HS6ST2: variants seen among roughly 807,000 people sequenced by gnomAD.
HS6ST2 encodes the protein heparan-sulfate 6-O-sulfotransferase 2.
In HS6ST2, 17 loss-of-function variants were observed where a neutral mutation model predicts 33.0. The ratio of observed to expected loss-of-function variants is 0.52; its 90% CI spans 0.35 to 0.77. The LOEUF is 0.77. Ranked by LOEUF, HS6ST2 falls within the 30% of genes least tolerant of loss-of-function variation. The probability of loss-of-function intolerance (pLI) is 0.01; values close to 1 mark genes in which losing one functional copy is unlikely to be tolerated. For synonymous variants in HS6ST2, 248 were observed against 237.1 expected (o/e 1.05, Z -0.42); for missense variants, 519 against 551.7 (o/e 0.94, Z 0.59).
At chrX:132,650,741 A>ATCTCTCTCTCTCTCTCTCTCTC (rs3066707) in intron 4 of HS6ST2, among the ~76,000 whole-genome samples, 14 of 87,400 alleles carry the variant, frequency 1.6e-4, no homozygotes, top group African/African-American at 6.3e-4. Context: ...CATAGGAGGG[A>ATCTCTCTCTCTCTCTCTCTCTC]TCTCTCTCTC....
chrX:132,782,613 T>C (rs1304820068), intron 2 of HS6ST2, among the ~76,000 whole-genome samples: 1 of 110,416 alleles, frequency 9.1e-6, no homozygotes, highest in Non-Finnish European at 1.9e-5. Flanking sequence ...CTTTTGGGAG[T>C]GTGTGGAGCC....
chrX:132,881,687 G>A (rs2066175834), intron 2 of HS6ST2, among the ~76,000 whole-genome samples: 2 of 111,677 alleles, frequency 1.8e-5, no homozygotes, highest in Admixed American at 1.9e-4. Context: ...TTTTAGTCAT[G>A]AAGTCCTTGC....
At chrX:132,936,399 T>G (rs2066822484) in intron 2 of HS6ST2, among the ~76,000 whole-genome samples, 1 of 109,162 alleles carries the variant, frequency 9.2e-6, no homozygotes, top group Non-Finnish European at 1.9e-5. Context: ...CACCAAAAAT[T>G]TAAAAAGAAT....
chrX:132,870,880 G>A (rs1041918081), intron 2 of HS6ST2, among the ~76,000 whole-genome samples: 2 of 111,011 alleles, frequency 1.8e-5, no homozygotes, highest in East Asian at 2.8e-4. Context: ...CTAAAAGACC[G>A]AAAGCAACTG....
chrX:132,838,589 A>G (rs2065669089), intron 2 of HS6ST2, among the ~76,000 whole-genome samples: 1 of 111,898 alleles, frequency 8.9e-6, no homozygotes, highest in South Asian at 3.8e-4. Context: ...TCTCACTAAA[A>G]AAGGACTTAC....
rs1362031492 is a variant in HS6ST2, at chrX:132,888,592, C to T, written c.947+68216G>A. ...TGATCACAGCTCACTGCAACCTCCG[C>T]CTCCTGGGCTCAAGCAATTCTCATG... On this transcript the variant is annotated intron_variant, in intron 2 of 4. Transcript: ENST00000370833. Among the ~76,000 whole-genome samples the T allele has an allele frequency of 9.0e-5, 10 of 111,649 alleles. No individual in the cohort carries two copies. The South Asian group carries it at 2.3e-3, about 26-fold the overall frequency.
rs138709239 is a variant in HS6ST2, at chrX:132,671,446, C to CTT, written c.981-2249_981-2248dup. Among the ~76,000 whole-genome samples, 326 of 91,224 alleles carry CTT rather than the reference C, an allele frequency of 3.6e-3. 4 individuals carry two copies. Among genetic ancestry groups the CTT allele is most frequent in the South Asian group, 0.02 (36 of 1,835 alleles). 79.2% of individuals were successfully genotyped at this position (91,224 alleles called of 115,157 possible). A position where few individuals can be genotyped will look rare whatever the true frequency, so the allele number is the denominator to read the frequency against. On this transcript the variant is annotated intron_variant, in intron 3 of 4. Transcript: ENST00000370833. ...CTGAGTCACTAAGTTCATTCATTCA[C>CTT]TTTTTTTTTTTTTTTTTTTGATAAA...
intron 4 of HS6ST2, among the ~76,000 whole-genome samples, chrX:132,666,052 A>T (rs1484485551): frequency 6.2e-5 from 7 of 112,205 alleles, no homozygotes; most frequent in Non-Finnish European, 1.9e-5. Context: ...TAGACATTTC[A>T]TTTTAGCTTT....
chrX:132,831,826 G>C (rs1439165737), intron 2 of HS6ST2, among the ~76,000 whole-genome samples: 1 of 112,154 alleles, frequency 8.9e-6, no homozygotes, highest in Non-Finnish European at 1.9e-5. Context: ...CAAGGCAGCT[G>C]TTTCTTGCCT....
intron 2 of HS6ST2, among the ~76,000 whole-genome samples, chrX:132,778,994 CAG>C (rs886677154): frequency 3.6e-5 from 4 of 111,923 alleles, no homozygotes; most frequent in African/African-American, 9.7e-5. Context: ...AGGAAGAAAA[CAG>C]AGAGAATTGC....
In HS6ST2 at chrX:132,952,660, C is replaced by T. The variant is rs184477068; in HGVS notation, c.947+4148G>A. Reference sequence around the variant, plus strand: ...TAGAATGACCAAAAAAAGCTTTTCTCCATCTAAACAAACACTTTTTAGTCC... The same window carrying T: ...TAGAATGACCAAAAAAAGCTTTTCTTCATCTAAACAAACACTTTTTAGTCC... On this transcript the variant is annotated intron_variant, in intron 2 of 4. Coordinates refer to ENST00000370833, the MANE Select transcript of HS6ST2 (RefSeq NM_001394073.1). Among the ~76,000 whole-genome samples, 3 of 111,614 alleles carry T rather than the reference C, an allele frequency of 2.7e-5. No homozygotes were observed. The Admixed American group carries it at 2.9e-4, about 11-fold the overall frequency.
rs150773533 is a variant in HS6ST2, at chrX:132,806,716, G to A, written c.948-98222C>T. Reference sequence around the variant, plus strand: ...ATATAATTTCCCTATGCCACGAAACGGCACTCTTCTTTTGATTTTTTTCAA... The same window carrying A: ...ATATAATTTCCCTATGCCACGAAACAGCACTCTTCTTTTGATTTTTTTCAA... On this transcript the variant is annotated intron_variant, in intron 2 of 4. Coordinates refer to ENST00000370833, the MANE Select transcript of HS6ST2 (RefSeq NM_001394073.1). Among the ~76,000 whole-genome samples the A allele has an allele frequency of 5.2e-4, 57 of 109,262 alleles. No individual in the cohort carries two copies. The East Asian group carries it at 0.012, about 23-fold the overall frequency. 94.9% of individuals were successfully genotyped at this position (109,262 alleles called of 115,157 possible).
chrX:132,900,821 C>A (rs181787063), intron 2 of HS6ST2, among the ~76,000 whole-genome samples: 248 of 110,934 alleles, frequency 2.2e-3, no homozygotes, highest in African/African-American at 7.7e-3. Context: ...GTAATACCTG[C>A]CCTTTGAATG....
At chrX:132,951,524 G>C (rs1222171241) in intron 2 of HS6ST2, among the ~76,000 whole-genome samples, 3 of 111,597 alleles carry the variant, frequency 2.7e-5, no homozygotes, top group African/African-American at 3.3e-5. Context: ...GCCCTGGAAA[G>C]CATGTCATTT....
intron 2 of HS6ST2, among the ~76,000 whole-genome samples, chrX:132,842,694 C>G (rs1012735942): frequency 9.0e-6 from 1 of 111,370 alleles, no homozygotes; most frequent in Non-Finnish European, 1.9e-5. Flanking sequence ...ATCAGTGCAT[C>G]CGACAGAAGC....
At chrX:132,830,772 T>C (rs2065581557) in intron 2 of HS6ST2, among the ~76,000 whole-genome samples, 1 of 111,564 alleles carries the variant, frequency 9.0e-6, no homozygotes, top group African/African-American at 3.3e-5. Context: ...GGGTTGATGG[T>C]CCAGTTACAA....
chrX:132,875,045 C>T (rs894976281), intron 2 of HS6ST2, among the ~76,000 whole-genome samples: 4 of 111,488 alleles, frequency 3.6e-5, no homozygotes, highest in Non-Finnish European at 7.5e-5. Context: ...AAGTGCACCC[C>T]CCAGTGACAA....
At chrX:132,866,007 G>T (rs189743667) in intron 2 of HS6ST2, among the ~76,000 whole-genome samples, 3 of 111,613 alleles carry the variant, frequency 2.7e-5, no homozygotes, top group Non-Finnish European at 5.6e-5. Context: ...GTCAATTTTG[G>T]CTTTTGTTGC....
chrX:132,709,441 C>G (rs1453859689), intron 2 of HS6ST2, among the ~76,000 whole-genome samples: 7 of 111,663 alleles, frequency 6.3e-5, no homozygotes, highest in East Asian at 2.8e-4. Context: ...TGGCTAGCAG[C>G]AGAGCCTTTG....
Sources: allele counts gnomAD v4.1 joint callset (sites outside exome capture counted in the v4.1 genomes callset), GRCh38; gene constraint gnomAD v4.1.1; transcripts MANE v1.5; gene names NCBI Gene and HGNC (gene_info 2026-07-23, HGNC 2026-07-21).